LONRF2: variants seen among roughly 807,000 people sequenced by gnomAD.
LONRF2 encodes the protein LON peptidase N-terminal domain and ring finger 2.
Under a neutral mutation model 66.6 loss-of-function variants are expected in LONRF2, and 35 were observed. The ratio of observed to expected loss-of-function variants is 0.53; its 90% CI spans 0.40 to 0.70. The LOEUF (loss-of-function observed/expected upper bound fraction) is 0.70. LONRF2 is among the 30% of genes least tolerant of loss of function. The pLI is 0.00. For missense variants in LONRF2, 902 were observed against 1,002.1 expected (o/e 0.90, Z 1.35); for synonymous variants, 417 against 418.1 (o/e 1.00, Z 0.03).
Position 100,322,413 on chromosome 2 carries a change from C to G in LONRF2, c.-320G>C. Reference sequence around the variant, plus strand: ...TCTCAGTCCCGCCGGCTTAGGTAACCCAGGTCGCTGCGGTAACGCAGTGAC... The same window carrying G: ...TCTCAGTCCCGCCGGCTTAGGTAACGCAGGTCGCTGCGGTAACGCAGTGAC... On this transcript the variant is annotated 5_prime_UTR_variant, in exon 1 of 12. Coordinates refer to ENST00000393437, the MANE Select transcript of LONRF2 (RefSeq NM_198461.4). 1 of 227,048 alleles carries G rather than the reference C, an allele frequency of 4.4e-6. No individual in the cohort carries two copies. Among genetic ancestry groups the G allele is most frequent in the Non-Finnish European group, 8.5e-6 (1 of 117,298 alleles). 14.1% of individuals were successfully genotyped at this position (227,048 alleles called of 1,614,324 possible). A position where few individuals can be genotyped will look rare whatever the true frequency, so the allele number is the denominator to read the frequency against.
rs1458694611 is a variant in LONRF2, at chr2:100,321,688, C to A, written c.406G>T (p.Ala136Ser). 20 of 1,238,774 alleles carry A rather than the reference C, an allele frequency of 1.6e-5. No homozygotes were observed. Among genetic ancestry groups the A allele is most frequent in the Non-Finnish European group, 2.0e-5 (20 of 995,040 alleles). The allele number at this position is 1,238,774 out of a possible 1,614,324, so 76.7% of individuals were successfully genotyped here. A position where few individuals can be genotyped will look rare whatever the true frequency, so the allele number is the denominator to read the frequency against. Residue 136 changes from alanine (A) to serine (S), a missense_variant, in exon 1 of 12, where the codon GCG becomes TCG. By Grantham distance (99) the Ala-to-Ser change is moderately conservative (BLOSUM62 1). Around this residue, in one of 2 missense-constraint regions of LONRF2, gnomAD observed 585 missense variants for 569.9 expected, o/e 1.03. Coordinates refer to ENST00000393437, the MANE Select transcript of LONRF2 (RefSeq NM_198461.4). Reference protein sequence around the residue: ...GEGGPAPEPRAPRDLLGCPRC... With the variant: ...GEGGPAPEPRSPRDLLGCPRC... ...GGGCAGCCGAGCAGGTCGCGGGGCG[C>A]GCGGGGCTCCGGGGCCGGCCCTCCC...
In LONRF2 at chr2:100,322,231, G is replaced by C; in HGVS notation, c.-138C>G. ...CGCGCGTCTGGGGGCGGCGCGCTGC[G>C]AGCGGCTGAGACCGCGGGCGGGGGC... On this transcript the variant is annotated 5_prime_UTR_variant, in exon 1 of 12. Coordinates refer to ENST00000393437, the MANE Select transcript of LONRF2 (RefSeq NM_198461.4). 2 of 897,432 alleles carry C rather than the reference G, an allele frequency of 2.2e-6. No homozygotes were observed. The highest frequency in any genetic ancestry group is 2.9e-6 in the Non-Finnish European group (2 of 696,386). 55.6% of individuals were successfully genotyped at this position (897,432 alleles called of 1,614,324 possible).
Position 100,280,147 on chromosome 2 carries a change from A to G in LONRF2, c.*4151T>C, listed in dbSNP as rs1184934023. 2.6e-5 allele frequency: 4 copies of G among 152,166 alleles called. No individual in the cohort carries two copies. Among genetic ancestry groups the G allele is most frequent in the African/African-American group, 9.7e-5 (4 of 41,436 alleles). The allele number at this position is 152,166 out of a possible 1,614,324, so 9.4% of individuals were successfully genotyped here. On this transcript the variant is annotated 3_prime_UTR_variant, in exon 12 of 12. Transcript: ENST00000393437. ...CACCTAAAAGCTGAGTCACTGCTAA[A>G]AGGCTATTTTATAGAATTCAGCAGT...
chr2:100,284,260 A>C lies in LONRF2; in HGVS notation c.*38T>G. 1 of 1,451,628 alleles carries C rather than the reference A, an allele frequency of 6.9e-7. No individual in the cohort carries two copies. Among genetic ancestry groups the C allele is most frequent in the South Asian group, 1.5e-5 (1 of 68,744 alleles). The allele number at this position is 1,451,628 out of a possible 1,614,324, so 89.9% of individuals were successfully genotyped here. On this transcript the variant is annotated 3_prime_UTR_variant, in exon 12 of 12. Transcript: ENST00000393437. ...TTCGTCCATGCCTGACATTTATAAA[A>C]GCACAAGGGCTGCCAGAAACCTTGA...
intron 9 of LONRF2, among the ~76,000 whole-genome samples, chr2:100,292,836 TA>T (rs1055815538): frequency 3.9e-4 from 59 of 152,322 alleles, no homozygotes; most frequent in African/African-American, 1.4e-3. Context: ...GCAAATGTGT[TA>T]TTTTTTTATT....
chr2:100,306,044 A>G (rs1675283810), intron 2 of LONRF2, among the ~76,000 whole-genome samples: 1 of 151,956 alleles, frequency 6.6e-6, no homozygotes, highest in Non-Finnish European at 1.5e-5. Flanking sequence ...GTGCACCACC[A>G]CACCTGGCTA....
intron 7 of LONRF2, 131 bp downstream of exon 7, chr2:100,298,705 G>C (rs1473702357): frequency 1.5e-6 from 1 of 653,772 alleles, no homozygotes; most frequent in African/African-American, 1.8e-5. Flanking sequence ...GATGAGAAAA[G>C]ACCTATCTTT....
chr2:100,301,828 CT>C (rs1167436504), intron 3 of LONRF2, among the ~76,000 whole-genome samples: 1 of 152,146 alleles, frequency 6.6e-6, no homozygotes, highest in African/African-American at 2.4e-5. Flanking sequence ...TTTTAAGATT[CT>C]TAGGAAGTTT....
chr2:100,300,921 C>A, intron 3 of LONRF2, 134 bp from the exon 4 acceptor site: 1 of 687,452 alleles, frequency 1.5e-6, no homozygotes, highest in Non-Finnish European at 2.2e-6. Context: ...TTTTAACTGC[C>A]AACCTTTTAA....
Position 100,275,254 on chromosome 2 carries a change from A to T in LONRF2, c.*9044T>A, listed in dbSNP as rs1446598358. ...TGCACTGGGTCCCTCTGAATTCCCT[A>T]CCTGGACATACCTACTTTCTTGGCT... On this transcript the variant is annotated 3_prime_UTR_variant, in exon 12 of 12. Coordinates refer to ENST00000393437, the MANE Select transcript of LONRF2 (RefSeq NM_198461.4). 1 of 152,324 alleles carries T rather than the reference A, an allele frequency of 6.6e-6. No individual in the cohort carries two copies. Among genetic ancestry groups the T allele is most frequent in the East Asian group, 1.9e-4 (1 of 5,182 alleles). The allele number at this position is 152,324 out of a possible 1,614,324, so 9.4% of individuals were successfully genotyped here.
intron 9 of LONRF2, among the ~76,000 whole-genome samples, chr2:100,291,876 A>C (rs1573112596): frequency 6.6e-6 from 1 of 152,228 alleles, no homozygotes; most frequent in South Asian, 2.1e-4. Context: ...TCACGCTACC[A>C]CGTGCCAAGC....
At chr2:100,303,128 T>C in intron 2 of LONRF2, 85 bp from the exon 3 acceptor site, 1 of 1,296,106 alleles carries the variant, frequency 7.7e-7, no homozygotes, top group South Asian at 1.8e-5. Context: ...ACAAATTTAT[T>C]AGAACAATTT....
chr2:100,310,171 A>T (rs1675381760), intron 1 of LONRF2, among the ~76,000 whole-genome samples: 1 of 152,162 alleles, frequency 6.6e-6, no homozygotes, highest in Non-Finnish European at 1.5e-5. Flanking sequence ...CCTCTCTTTG[A>T]ACTGACTTGC....
intron 2 of LONRF2, among the ~76,000 whole-genome samples, chr2:100,303,568 GTTTC>G (rs1675228725): frequency 6.6e-6 from 1 of 152,012 alleles, no homozygotes. Context: ...CACTATTTTT[GTTTC>G]TTTTTTTACT....
At position 100,283,074 on chromosome 2, in the gene LONRF2, C is replaced by T. The variant is rs1286921277; in HGVS notation, c.*1224G>A. On this transcript the variant is annotated 3_prime_UTR_variant, in exon 12 of 12. Coordinates refer to ENST00000393437, the MANE Select transcript of LONRF2 (RefSeq NM_198461.4). Reference sequence around the variant, plus strand: ...AGACGAGGAAGCCAACCAAATGCACCAGCTGGTTGGGCCAGAGAGAACATA... The same window carrying T: ...AGACGAGGAAGCCAACCAAATGCACTAGCTGGTTGGGCCAGAGAGAACATA... The T allele has an allele frequency of 6.6e-6, 1 of 152,144 alleles. No individual in the cohort carries two copies. The highest frequency in any genetic ancestry group is 1.5e-5 in the Non-Finnish European group (1 of 68,036). 9.4% of individuals were successfully genotyped at this position (152,144 alleles called of 1,614,324 possible).
chr2:100,291,230 C>A (rs973255145), intron 9 of LONRF2, among the ~76,000 whole-genome samples: 1 of 152,032 alleles, frequency 6.6e-6, no homozygotes, highest in Non-Finnish European at 1.5e-5. Flanking sequence ...CACCAGAGTG[C>A]AGGTCTGGAG....
At chr2:100,299,011 T>G (rs1675125734) in intron 6 of LONRF2, 61 bp from the exon 7 acceptor site, 3 of 1,356,762 alleles carry the variant, frequency 2.2e-6, no homozygotes, top group Non-Finnish European at 3.2e-6. Flanking sequence ...AATCATGGAC[T>G]GGTTTTTGAA....
rs530283145 is a variant in LONRF2, at chr2:100,314,576, T to C, written c.680-5351A>G. On this transcript the variant is annotated intron_variant, in intron 1 of 11. Coordinates refer to ENST00000393437, the MANE Select transcript of LONRF2 (RefSeq NM_198461.4). ...TCCCCTTCTCACTTTTTTGGGGGCC[T>C]CTGAGGAACAGAAGTTTTATTGTTA... Among the ~76,000 whole-genome samples, 66 of 152,294 alleles carry C rather than the reference T, an allele frequency of 4.3e-4. No individual in the cohort carries two copies. In the Middle Eastern group the frequency reaches 0.017, roughly 39 times the overall value.
Position 100,283,409 on chromosome 2 carries a change from C to T in LONRF2, c.*889G>A, listed in dbSNP as rs922067113. On this transcript the variant is annotated 3_prime_UTR_variant, in exon 12 of 12. Transcript: ENST00000393437. ...AGTAAACTGAAATTTACTGATGGGG[C>T]TAATTTCTAATGCAAATCCCAATAG... is the stretch of plus-strand genomic sequence containing the variant. 4 of 152,050 alleles carry T rather than the reference C, an allele frequency of 2.6e-5. No individual in the cohort carries two copies. Among genetic ancestry groups the T allele is most frequent in the African/African-American group, 9.7e-5 (4 of 41,402 alleles). 9.4% of individuals were successfully genotyped at this position (152,050 alleles called of 1,614,324 possible). A position where few individuals can be genotyped will look rare whatever the true frequency, so the allele number is the denominator to read the frequency against.
Sources: gnomAD v4.1 joint callset for allele counts (sites outside exome capture counted in the v4.1 genomes callset) on GRCh38, gnomAD v4.1.1 for gene constraint, gnomAD v4.1.1 regional missense constraint, MANE v1.5 for transcripts, NCBI Gene and HGNC (gene_info 2026-07-23, HGNC 2026-07-21) for gene names.